PARD3: variants seen among roughly 807,000 people sequenced by gnomAD.
PARD3 encodes par-3 family cell polarity regulator, also known as partitioning defective 3 homolog.
In PARD3, 75 loss-of-function variants were observed where a neutral mutation model predicts 155.4. The ratio of observed to expected loss-of-function variants is 0.48; its 90% confidence interval spans 0.40 to 0.58. The LOEUF (loss-of-function observed/expected upper bound fraction) is 0.58. Ranked by LOEUF, PARD3 falls within the 20% of genes least tolerant of loss-of-function variation. The pLI, the probability that PARD3 is intolerant of heterozygous loss-of-function variation, is 0.00. For missense variants in PARD3, 1,642 were observed against 1,721.7 expected (o/e 0.95, Z 0.82); for synonymous variants, 576 against 610.5 (o/e 0.94, Z 0.83).
chr10:34,545,811 G>A (rs1459027276), intron 2 of PARD3, among the ~76,000 whole-genome samples: 2 of 152,240 alleles, frequency 1.3e-5, no homozygotes, highest in East Asian at 3.9e-4. Context: ...GCCCACCTCG[G>A]CTTCCCCAAG....
At chr10:34,607,636 G>GT (rs1429519318) in intron 2 of PARD3, among the ~76,000 whole-genome samples, 4 of 152,194 alleles carry the variant, frequency 2.6e-5, no homozygotes, top group African/African-American at 9.7e-5. Context: ...GCAGGAAAAG[G>GT]TAAGTCCATC....
intron 22 of PARD3, among the ~76,000 whole-genome samples, chr10:34,199,653 T>TA (rs1260933655): frequency 1.3e-5 from 2 of 151,984 alleles, no homozygotes; most frequent in Admixed American, 6.6e-5. Flanking sequence ...GAATAGAATT[T>TA]AAAAAAATAG....
chr10:34,689,217 T>C (rs116721813), intron 2 of PARD3, among the ~76,000 whole-genome samples: 1,883 of 152,262 alleles, frequency 0.012, 36 homozygotes, highest in African/African-American at 0.043. Context: ...CCAAAAATAG[T>C]TGAAAACACT....
At chr10:34,736,461 T>C (rs2094915690) in intron 1 of PARD3, among the ~76,000 whole-genome samples, 2 of 151,408 alleles carry the variant, frequency 1.3e-5, no homozygotes, top group South Asian at 4.2e-4. Context: ...CCTGAATAGC[T>C]GGGAACACAG....
intron 2 of PARD3, among the ~76,000 whole-genome samples, chr10:34,603,904 G>T (rs1366576615): frequency 2.0e-5 from 3 of 152,132 alleles, no homozygotes; most frequent in African/African-American, 7.2e-5. Flanking sequence ...CCGACACGCA[G>T]CCAATCCCTC....
At chr10:34,313,459 G>C (rs954303068) in intron 20 of PARD3, among the ~76,000 whole-genome samples, 1 of 152,116 alleles carries the variant, frequency 6.6e-6, no homozygotes, top group African/African-American at 2.4e-5. Flanking sequence ...TTGCATTAAG[G>C]CGGCTTTTGT....
chr10:34,603,060 G>A (rs144839438), intron 2 of PARD3, among the ~76,000 whole-genome samples: 2 of 152,156 alleles, frequency 1.3e-5, no homozygotes, highest in African/African-American at 2.4e-5. Flanking sequence ...GTTTGGTAGA[G>A]AGCGATTAAG....
At chr10:34,523,820 T>C (rs1022809655) in intron 2 of PARD3, among the ~76,000 whole-genome samples, 1 of 152,240 alleles carries the variant, frequency 6.6e-6, no homozygotes, top group Non-Finnish European at 1.5e-5. Flanking sequence ...CCATGATGTA[T>C]AATTCTAAAC....
intron 5 of PARD3, among the ~76,000 whole-genome samples, chr10:34,441,526 T>C (rs944933320): frequency 6.6e-6 from 1 of 152,204 alleles, no homozygotes; most frequent in Non-Finnish European, 1.5e-5. Flanking sequence ...GCTTCCCAGA[T>C]TCACTATGTC....
intron 22 of PARD3, among the ~76,000 whole-genome samples, chr10:34,225,414 C>T (rs1186003325): frequency 6.6e-6 from 1 of 151,458 alleles, no homozygotes; most frequent in Non-Finnish European, 1.5e-5. Flanking sequence ...GGCATGATCT[C>T]GGCTCACTGC....
chr10:34,681,770 T>A (rs2477003), intron 2 of PARD3, among the ~76,000 whole-genome samples: 319 of 14,326 alleles, frequency 0.022, no homozygotes, highest in Middle Eastern at 0.062. Context: ...ATATATATAT[T>A]TTTTTTTTTT....
intron 2 of PARD3, among the ~76,000 whole-genome samples, chr10:34,624,698 C>T (rs907982387): frequency 6.6e-6 from 1 of 152,248 alleles, no homozygotes; most frequent in Admixed American, 6.5e-5. Context: ...TGACACTGTG[C>T]CCTGCACAGG....
intron 5 of PARD3, among the ~76,000 whole-genome samples, chr10:34,431,903 G>A (rs1281401709): frequency 5.4e-5 from 8 of 148,472 alleles, no homozygotes; most frequent in South Asian, 2.1e-4. Context: ...TTAGCTGGGC[G>A]TGGTGGCGGG....
chr10:34,116,243 C>G (rs1000630841), intron 24 of PARD3, among the ~76,000 whole-genome samples: 1 of 152,198 alleles, frequency 6.6e-6, no homozygotes, highest in Non-Finnish European at 1.5e-5. Context: ...ATACATGCCT[C>G]TAATTCAAAC....
intron 3 of PARD3, among the ~76,000 whole-genome samples, chr10:34,508,978 G>A (rs1169900110): frequency 6.6e-6 from 1 of 152,108 alleles, no homozygotes; most frequent in Non-Finnish European, 1.5e-5. Flanking sequence ...TCAAAGAGGC[G>A]ACCAGTGTAA....
chr10:34,701,333 A>ATGATGTTGTTGT (rs1554815382), intron 1 of PARD3, among the ~76,000 whole-genome samples: 3,018 of 149,946 alleles, frequency 0.02, 40 homozygotes, highest in Non-Finnish European at 0.028. Flanking sequence ...ACACGCGGGG[A>ATGATGTTGTTGT]TGTTGTTGTT....
At chr10:34,625,102 C>T (rs1006464416) in intron 2 of PARD3, among the ~76,000 whole-genome samples, 3 of 152,204 alleles carry the variant, frequency 2.0e-5, no homozygotes, top group Non-Finnish European at 4.4e-5. Flanking sequence ...ACCATGTTAA[C>T]AGTCCCCAAT....
chr10:34,410,878 G>A (rs1027699429), intron 5 of PARD3, among the ~76,000 whole-genome samples: 3 of 152,186 alleles, frequency 2.0e-5, no homozygotes, highest in Non-Finnish European at 4.4e-5. Context: ...TCAGAGTCCT[G>A]TCCTGTAACA....
chr10:34,304,532 T>C (rs1957307681), intron 20 of PARD3, among the ~76,000 whole-genome samples: 1 of 152,110 alleles, frequency 6.6e-6, no homozygotes, highest in African/African-American at 2.4e-5. Flanking sequence ...CAATCTTGGC[T>C]CCCACATAGG....
Sources: allele counts gnomAD v4.1 joint callset (sites outside exome capture counted in the v4.1 genomes callset), GRCh38; gene constraint gnomAD v4.1.1; transcripts MANE v1.5; gene names NCBI Gene and HGNC (gene_info 2026-07-23, HGNC 2026-07-21).